DEPDC4: variants seen among roughly 807,000 people sequenced by gnomAD.
The protein encoded by DEPDC4 is DEP domain containing 4.
Under a neutral mutation model 52.0 loss-of-function variants are expected in DEPDC4, and 52 were observed. The observed-to-expected ratio is 1.00, with a 90% CI of 0.80 to 1.26. The LOEUF (loss-of-function observed/expected upper bound fraction) is 1.26, where lower values mean the gene tolerates loss of function less well. DEPDC4 is among the 50% of genes most tolerant of loss of function. The probability of loss-of-function intolerance (pLI) is 0.00; values close to 1 mark genes in which losing one functional copy is unlikely to be tolerated. For synonymous variants in DEPDC4, 201 were observed against 196.8 expected, an observed-to-expected ratio of 1.02 and a Z score of -0.18; for missense variants, 530 against 546.9, an observed-to-expected ratio of 0.97 and a Z score of 0.31.
chr12:100,277,583 C>T, the DEPDC4 span, among the ~76,000 whole-genome samples: 4 of 152,054 alleles, frequency 2.6e-5, no homozygotes, highest in African/African-American at 9.7e-5. Flanking sequence ...ATTCTTTTAC[C>T]TGTGTTTTTA....
chr12:100,263,663 G>T lies in DEPDC4; in HGVS notation c.388C>A (p.His130Asn), dbSNP rs2096261862. 1 of 1,613,930 alleles carries T rather than the reference G, an allele frequency of 6.2e-7. No individual in the cohort carries two copies. The highest frequency in any genetic ancestry group is 1.7e-5 in the Admixed American group (1 of 59,974). ...GVHLCQVLMN[H>N]KVFEPVGMKK... ...ATTCCTACTGGTTCAAATACTTTGT[G>T]ATTCATTAGAACTTGGCAAAGATGA... Residue 130 changes from histidine (H) to asparagine (N), a missense_variant, in exon 2 of 10, where the codon CAC becomes AAC. By Grantham distance (68) the His-to-Asn change is moderately conservative. Transcript: ENST00000550587.
chr12:100,281,707 G>A, the DEPDC4 span, among the ~76,000 whole-genome samples: 44 of 151,980 alleles, frequency 2.9e-4, 1 homozygote, highest in Middle Eastern at 3.4e-3. Context: ...GGTAGCGGGC[G>A]CCTGTAGTCC....
At chr12:100,248,238 CAAAG>C (rs1470747405) in intron 8 of DEPDC4, among the ~76,000 whole-genome samples, 1 of 151,884 alleles carries the variant, frequency 6.6e-6, no homozygotes, top group Non-Finnish European at 1.5e-5. Flanking sequence ...TCTAACTGCA[CAAAG>C]AAATAGATAT....
intron 1 of DEPDC4, 70 bp from the exon 2 acceptor site, chr12:100,263,963 G>A: frequency 1.4e-6 from 2 of 1,431,262 alleles, no homozygotes; most frequent in Non-Finnish European, 1.9e-6. Flanking sequence ...TTTCAGTTTT[G>A]ACAACCTTAT....
downstream of DEPDC4, among the ~76,000 whole-genome samples, chr12:100,236,604 A>G (rs980829659): frequency 6.6e-5 from 10 of 152,026 alleles, no homozygotes; most frequent in East Asian, 1.9e-4. Flanking sequence ...TGTCAGATGT[A>G]TAAAGATTTT....
chr12:100,254,716 CCTCT>C (rs201799540), intron 4 of DEPDC4, among the ~76,000 whole-genome samples: 2 of 151,804 alleles, frequency 1.3e-5, no homozygotes, highest in Non-Finnish European at 1.5e-5. Context: ...TCCCTCCTTC[CCTCT>C]CTTTCTTCTT....
chr12:100,245,325 G>A (rs1254074496), intron 8 of DEPDC4, among the ~76,000 whole-genome samples: 1 of 152,074 alleles, frequency 6.6e-6, no homozygotes, highest in Non-Finnish European at 1.5e-5. Flanking sequence ...GGAGCGTAGT[G>A]GCGAGATCTC....
the DEPDC4 span, among the ~76,000 whole-genome samples, chr12:100,276,261 G>A: frequency 1.9e-4 from 29 of 152,004 alleles, no homozygotes; most frequent in African/African-American, 7.0e-4. Flanking sequence ...TCATTTAGAA[G>A]CTTTAGAATT....
chr12:100,256,972 T>G (rs1481583227), intron 3 of DEPDC4, among the ~76,000 whole-genome samples: 1 of 151,922 alleles, frequency 6.6e-6, no homozygotes, highest in Non-Finnish European at 1.5e-5. Flanking sequence ...AATACAGTAT[T>G]AGGCTAATTT....
In DEPDC4 at chr12:100,267,011, T is replaced by A; in HGVS notation, c.66A>T (p.Arg22Ser). ...MAVLLTPRFR[R>S]LVSQNELPGP... ...CCGGAAGCTCGTTCTGACTGACAAG[T>A]CTACGGAACCTCGGAGTCAAAAGAA... Residue 22 changes from arginine to serine, a missense_variant, in exon 1 of 10, where the codon AGA becomes AGT. By Grantham distance (110) the Arg-to-Ser change is moderately radical. Coordinates refer to ENST00000550587, the MANE Select transcript of DEPDC4 (RefSeq NM_001364818.2). The A allele has an allele frequency of 6.2e-7, 1 of 1,614,092 alleles. No homozygotes were observed.
chr12:100,274,882 G>C, the DEPDC4 span, among the ~76,000 whole-genome samples: 41 of 152,296 alleles, frequency 2.7e-4, no homozygotes, highest in East Asian at 7.9e-3. Flanking sequence ...AAAGCCTGTG[G>C]ATCCCTTCTC....
At chr12:100,270,975 GCTTGT>G (rs1397110386), upstream of DEPDC4, among the ~76,000 whole-genome samples, 1 of 151,620 alleles carries the variant, frequency 6.6e-6, no homozygotes, top group Non-Finnish European at 1.5e-5. Flanking sequence ...TTAAAATCAG[GCTTGT>G]CTTCTGTAAT....
the DEPDC4 span, among the ~76,000 whole-genome samples, chr12:100,273,315 T>C: frequency 7.9e-5 from 12 of 152,314 alleles, no homozygotes; most frequent in East Asian, 2.3e-3. Context: ...CATTACTGTT[T>C]TTGGGAAACA....
intron 9 of DEPDC4, among the ~76,000 whole-genome samples, chr12:100,232,835 G>C (rs978964697): frequency 3.9e-5 from 6 of 152,140 alleles, no homozygotes; most frequent in Non-Finnish European, 8.8e-5. Context: ...GGTGAGCCGA[G>C]ATCGCGCCAT....
At chr12:100,261,167 C>T (rs1411443067) in intron 3 of DEPDC4, among the ~76,000 whole-genome samples, 4 of 141,806 alleles carry the variant, frequency 2.8e-5, no homozygotes, top group Non-Finnish European at 4.5e-5. Context: ...GGCAACAGAG[C>T]GAGACTCCGT....
chr12:100,278,974 T>C, the DEPDC4 span, among the ~76,000 whole-genome samples: 2 of 152,296 alleles, frequency 1.3e-5, no homozygotes, highest in Non-Finnish European at 2.9e-5. Context: ...ATTTACTTGT[T>C]TTCTGTGGCT....
chr12:100,255,795 T>A (rs975483042), intron 4 of DEPDC4: 2 of 247,368 alleles, frequency 8.1e-6, no homozygotes, highest in African/African-American at 4.4e-5. Context: ...AATGACAGAA[T>A]TTTGGATGAT....
At chr12:100,254,544 C>G (rs1187808928) in intron 4 of DEPDC4, among the ~76,000 whole-genome samples, 2 of 151,940 alleles carry the variant, frequency 1.3e-5, no homozygotes, top group Non-Finnish European at 2.9e-5. Flanking sequence ...TCAGGCTGGT[C>G]TCAAACTTCT....
chr12:100,261,844 A>T (rs570287980), intron 3 of DEPDC4: 45 of 454,292 alleles, frequency 9.9e-5, no homozygotes, highest in South Asian at 7.0e-4. Flanking sequence ...GTTCTTGGAA[A>T]CAGTAAAAAT....
Sources: allele counts gnomAD v4.1 joint callset (sites outside exome capture counted in the v4.1 genomes callset), GRCh38; gene constraint gnomAD v4.1.1; transcripts MANE v1.5; gene names NCBI Gene and HGNC (gene_info 2026-07-23, HGNC 2026-07-21).